Variants in SPATA16 observed in about 807,000 individuals in gnomAD.
The protein encoded by SPATA16 is spermatogenesis-associated protein 16.
A neutral mutation model predicts 63.3 loss-of-function variants in SPATA16; 36 were observed. The observed-to-expected ratio is 0.57, with a 90% CI of 0.44 to 0.75. The LOEUF is 0.75. Ranked by LOEUF, SPATA16 falls within the 30% of genes least tolerant of loss-of-function variation. The pLI, the probability that SPATA16 is intolerant of heterozygous loss-of-function variation, is 0.00. For synonymous variants in SPATA16, 203 were observed against 216.7 expected (o/e 0.94, Z 0.56); for missense variants, 646 against 679.3 (o/e 0.95, Z 0.54).
At chr3:172,915,571 T>A (rs1332120296) in intron 9 of SPATA16, among the ~76,000 whole-genome samples, 4 of 152,152 alleles carry the variant, frequency 2.6e-5, no homozygotes, top group Non-Finnish European at 4.4e-5. Flanking sequence ...TAGAGTAAAT[T>A]TTACCTTTCC....
intron 2 of SPATA16, among the ~76,000 whole-genome samples, chr3:173,098,595 C>T (rs1737415453): frequency 6.6e-6 from 1 of 151,992 alleles, no homozygotes; most frequent in South Asian, 2.1e-4. Context: ...AGAGATTTGC[C>T]AACATGCATG....
At chr3:172,953,647 C>G (rs1733504299) in intron 6 of SPATA16, among the ~76,000 whole-genome samples, 1 of 152,194 alleles carries the variant, frequency 6.6e-6, no homozygotes, top group African/African-American at 2.4e-5. Flanking sequence ...GACGCCAGAG[C>G]TGATCTCAGG....
intron 10 of SPATA16, among the ~76,000 whole-genome samples, chr3:172,913,417 C>G (rs1181868560): frequency 6.6e-6 from 1 of 151,656 alleles, no homozygotes; most frequent in African/African-American, 2.4e-5. Flanking sequence ...TGAAAATGAG[C>G]ATGATAATGA....
chr3:172,982,181 A>T (rs1451223599), intron 4 of SPATA16, among the ~76,000 whole-genome samples: 1 of 152,260 alleles, frequency 6.6e-6, no homozygotes, highest in Non-Finnish European at 1.5e-5. Flanking sequence ...AGACTAACAG[A>T]ATTACATAGC....
intron 2 of SPATA16, among the ~76,000 whole-genome samples, chr3:173,074,716 T>A (rs1736748912): frequency 6.6e-6 from 1 of 151,564 alleles, no homozygotes; most frequent in Non-Finnish European, 1.5e-5. Flanking sequence ...GACTGATAGA[T>A]GGGGGAAGGA....
chr3:172,908,015 A>C (rs111262431), intron 10 of SPATA16, among the ~76,000 whole-genome samples: 2,326 of 152,266 alleles, frequency 0.015, 50 homozygotes, highest in African/African-American at 0.053. Flanking sequence ...CTACTTTATA[A>C]CATATCCTGT....
chr3:173,098,719 A>G (rs181920818), intron 2 of SPATA16, among the ~76,000 whole-genome samples: 4 of 152,288 alleles, frequency 2.6e-5, no homozygotes, highest in African/African-American at 9.6e-5. Context: ...AAGAAACTGA[A>G]GTAGAATCAG....
chr3:173,087,599 T>C (rs1737090838), intron 2 of SPATA16, among the ~76,000 whole-genome samples: 1 of 152,194 alleles, frequency 6.6e-6, no homozygotes, highest in African/African-American at 2.4e-5. Flanking sequence ...GACTTGTTAA[T>C]GTAGTTGCTT....
chr3:173,032,772 C>G (rs570248643), intron 3 of SPATA16, among the ~76,000 whole-genome samples: 3 of 151,996 alleles, frequency 2.0e-5, no homozygotes, highest in African/African-American at 7.2e-5. Flanking sequence ...CTTTATCCAC[C>G]GCAGACTTCT....
At chr3:173,141,057 A>G (rs1738700270) in intron 1 of SPATA16, 46 bp downstream of exon 1, 1 of 152,372 alleles carries the variant, frequency 6.6e-6, no homozygotes, top group South Asian at 2.1e-4. Flanking sequence ...CAGCCACTGA[A>G]CGAGAAAAGC....
chr3:172,990,340 G>A (rs2108260206), intron 4 of SPATA16, among the ~76,000 whole-genome samples: 1 of 152,288 alleles, frequency 6.6e-6, no homozygotes, highest in East Asian at 1.9e-4. Context: ...TAAGTGAAGG[G>A]AGGCACAGAT....
chr3:173,020,348 A>T (rs976306157), intron 3 of SPATA16, among the ~76,000 whole-genome samples: 5 of 151,654 alleles, frequency 3.3e-5, no homozygotes, highest in Non-Finnish European at 7.4e-5. Context: ...TTTGAATTCC[A>T]TAATTAGGTT....
intron 2 of SPATA16, among the ~76,000 whole-genome samples, chr3:173,093,790 A>T (rs1175589655): frequency 2.0e-5 from 3 of 152,186 alleles, no homozygotes; most frequent in Non-Finnish European, 2.9e-5. Context: ...ATTCCCCTGT[A>T]ACAAAATTCT....
chr3:172,894,556 C>T (rs1271604939), intron 10 of SPATA16, among the ~76,000 whole-genome samples: 6 of 150,862 alleles, frequency 4.0e-5, no homozygotes, highest in Non-Finnish European at 8.8e-5. Flanking sequence ...TAACACTTTT[C>T]AGTATATTTA....
chr3:172,973,562 GC>G (rs1239111005), intron 5 of SPATA16, among the ~76,000 whole-genome samples: 1 of 152,114 alleles, frequency 6.6e-6, no homozygotes, highest in East Asian at 1.9e-4. Context: ...AAACTTTTGT[GC>G]CTCAGAATGT....
intron 4 of SPATA16, among the ~76,000 whole-genome samples, chr3:173,001,468 C>T (rs894189193): frequency 6.6e-6 from 1 of 152,068 alleles, no homozygotes; most frequent in Non-Finnish European, 1.5e-5. Context: ...TTCTCCTTCC[C>T]CTGCCAAAAG....
intron 2 of SPATA16, among the ~76,000 whole-genome samples, chr3:173,099,142 C>T (rs563781385): frequency 2.0e-5 from 3 of 152,236 alleles, no homozygotes; most frequent in South Asian, 4.2e-4. Context: ...AACGATACTT[C>T]ACAATGCCTA....
chr3:172,967,077 A>G (rs1291660448), intron 5 of SPATA16, among the ~76,000 whole-genome samples: 1 of 152,246 alleles, frequency 6.6e-6, no homozygotes, highest in Admixed American at 6.5e-5. Flanking sequence ...TGAAAATAAA[A>G]TAACCTCATG....
intron 2 of SPATA16, among the ~76,000 whole-genome samples, chr3:173,088,087 CT>C (rs543770917): frequency 0.052 from 3,250 of 62,886 alleles, 164 homozygotes; most frequent in African/African-American, 0.18. Context: ...TCTGTCTTTT[CT>C]TTTTTTTTTT....
Sources: gnomAD v4.1 joint callset for allele counts (sites outside exome capture counted in the v4.1 genomes callset) on GRCh38, gnomAD v4.1.1 for gene constraint, MANE v1.5 for transcripts, NCBI Gene and HGNC (gene_info 2026-07-23, HGNC 2026-07-21) for gene names.